UNC13C: variants seen among roughly 807,000 people sequenced by gnomAD.
UNC13C encodes protein unc-13 homolog C.
Under a neutral mutation model 245.4 loss-of-function variants are expected in UNC13C, and 174 were observed. The observed-to-expected ratio is 0.71, with a 90% confidence interval of 0.63 to 0.80. The LOEUF is 0.80. Ranked by LOEUF, UNC13C falls within the 30% of genes least tolerant of loss-of-function variation. The pLI, the probability that UNC13C is intolerant of heterozygous loss-of-function variation, is 0.00. For synonymous variants in UNC13C, 992 were observed against 895.1 expected, an observed-to-expected ratio of 1.11 and a Z score of -1.93; for missense variants, 2,829 against 2,602.9, an observed-to-expected ratio of 1.09 and a Z score of -1.89.
At chr15:54,538,133 CAAAAAAAAAAAAAAAA>C (rs56041311) in intron 26 of UNC13C, among the ~76,000 whole-genome samples, 408 of 10,308 alleles carry the variant, frequency 0.04, 19 homozygotes, top group African/African-American at 0.076. Flanking sequence ...CATTAACAAG[CAAAAAAAAAAAAAAAA>C]AAAAAAAAAA....
intron 1 of UNC13C, among the ~76,000 whole-genome samples, chr15:53,999,217 G>A (rs967792023): frequency 9.9e-5 from 15 of 151,748 alleles, no homozygotes; most frequent in South Asian, 4.2e-4. Flanking sequence ...TAAAAATTCC[G>A]CCTGGAGCTT....
At chr15:54,510,140 A>G (rs559580276) in intron 23 of UNC13C, among the ~76,000 whole-genome samples, 1 of 152,312 alleles carries the variant, frequency 6.6e-6, no homozygotes, top group Admixed American at 6.5e-5. Flanking sequence ...AGAAGAGTCT[A>G]TCAAGCTAAC....
At chr15:54,030,112 G>GT (rs1896293970) in intron 2 of UNC13C, among the ~76,000 whole-genome samples, 1 of 151,950 alleles carries the variant, frequency 6.6e-6, no homozygotes, top group Non-Finnish European at 1.5e-5. Flanking sequence ...CCTTATATAG[G>GT]CTTTTTCTCC....
upstream of UNC13C, among the ~76,000 whole-genome samples, chr15:53,975,642 T>A (rs1893672558): frequency 6.6e-6 from 1 of 152,200 alleles, no homozygotes; most frequent in South Asian, 2.1e-4. Flanking sequence ...TACTTGATTC[T>A]TTTGGTTTAG....
At chr15:54,156,703 T>G (rs892541086) in intron 4 of UNC13C, among the ~76,000 whole-genome samples, 2 of 151,498 alleles carry the variant, frequency 1.3e-5, no homozygotes, top group African/African-American at 4.9e-5. Flanking sequence ...CTCTTTGCAA[T>G]GTGTATGTTT....
At chr15:53,915,007 T>C in the UNC13C span, among the ~76,000 whole-genome samples, 17 of 152,136 alleles carry the variant, frequency 1.1e-4, no homozygotes, top group Non-Finnish European at 2.1e-4. Flanking sequence ...TGCCGGGGAA[T>C]GTCATAATGG....
chr15:54,062,141 G>C (rs1272406932), intron 2 of UNC13C, among the ~76,000 whole-genome samples: 3 of 151,768 alleles, frequency 2.0e-5, no homozygotes, highest in African/African-American at 7.3e-5. Flanking sequence ...CCAGCATGGT[G>C]AAACCCCACC....
intron 20 of UNC13C, 128 bp downstream of exon 20, chr15:54,494,862 A>C: frequency 1.7e-6 from 2 of 1,148,988 alleles, no homozygotes; most frequent in Non-Finnish European, 2.5e-6. Flanking sequence ...TTCCATTATG[A>C]AGTTAACATT....
intron 4 of UNC13C, among the ~76,000 whole-genome samples, chr15:54,184,513 C>A (rs62009995): frequency 0.032 from 4,910 of 152,060 alleles, 142 homozygotes; most frequent in East Asian, 0.13. Context: ...TGAGAACATG[C>A]AGTGTTTGGT....
At chr15:53,965,567 T>TTTA in the UNC13C span, among the ~76,000 whole-genome samples, 6 of 128,850 alleles carry the variant, frequency 4.7e-5, no homozygotes, top group Non-Finnish European at 6.4e-5. Context: ...TATTTATTTA[T>TTTA]TTATTATTAT....
chr15:54,431,657 A>C (rs2040876470), intron 19 of UNC13C, among the ~76,000 whole-genome samples: 1 of 151,740 alleles, frequency 6.6e-6, no homozygotes, highest in African/African-American at 2.4e-5. Flanking sequence ...TGTTGGTTAT[A>C]CATTCTTCAC....
chr15:54,265,357 G>T lies in UNC13C; in HGVS notation c.3679G>T (p.Val1227Phe). 6.6e-7 allele frequency: 1 copy of T among 1,515,302 alleles called. No homozygotes were observed. Among genetic ancestry groups the T allele is most frequent in the Non-Finnish European group, 8.9e-7 (1 of 1,129,204 alleles). 93.9% of individuals were successfully genotyped at this position (1,515,302 alleles called of 1,614,324 possible). ...KWSAKITITV[V>F]SAQGLQAKDK... ...ATGTTTATTTTGGTTTATTTCAGTGGTTTCTGCACAGGGTCTACAGGCAAA... is the reference window on the plus strand; with the variant it reads ...ATGTTTATTTTGGTTTATTTCAGTGTTTTCTGCACAGGGTCTACAGGCAAA... The change falls in exon 10 of 33, where the codon GTT becomes TTT. Residue 1227 changes from valine (V) to phenylalanine (F), a missense_variant and splice_region_variant. Coordinates refer to ENST00000260323, the MANE Select transcript of UNC13C (RefSeq NM_001080534.3).
At chr15:54,270,725 T>A (rs1191656208) in intron 10 of UNC13C, among the ~76,000 whole-genome samples, 2 of 151,962 alleles carry the variant, frequency 1.3e-5, no homozygotes, top group Non-Finnish European at 2.9e-5. Context: ...GGGAAATGGA[T>A]CTGAGAGATA....
chr15:54,412,041 G>T (rs1411115537), intron 18 of UNC13C, among the ~76,000 whole-genome samples: 2 of 151,720 alleles, frequency 1.3e-5, no homozygotes, highest in African/African-American at 4.8e-5. Flanking sequence ...AACTTTTGAT[G>T]CTGCATTAGT....
chr15:54,342,363 T>G (rs2038754333), intron 17 of UNC13C, among the ~76,000 whole-genome samples: 1 of 152,178 alleles, frequency 6.6e-6, no homozygotes, highest in South Asian at 2.1e-4. Flanking sequence ...GTAGTCTAGC[T>G]TGGGCAACCT....
At chr15:53,908,938 CATT>C in the UNC13C span, among the ~76,000 whole-genome samples, 5 of 145,902 alleles carry the variant, frequency 3.4e-5, 1 homozygote, top group South Asian at 2.3e-4. Flanking sequence ...TTAACATAAA[CATT>C]ATTAATCATT....
intron 7 of UNC13C, among the ~76,000 whole-genome samples, chr15:54,244,669 C>A (rs1452333029): frequency 1.3e-5 from 2 of 152,012 alleles, no homozygotes; most frequent in Non-Finnish European, 1.5e-5. Context: ...TGTAGTTCTC[C>A]TTGAAGAGGT....
At chr15:54,178,384 G>A (rs938951718) in intron 4 of UNC13C, among the ~76,000 whole-genome samples, 3 of 151,936 alleles carry the variant, frequency 2.0e-5, no homozygotes, top group Admixed American at 6.6e-5. Flanking sequence ...CTTAAAAATC[G>A]ATGGATATTT....
intron 2 of UNC13C, among the ~76,000 whole-genome samples, chr15:54,062,262 T>G (rs941026867): frequency 6.7e-6 from 1 of 149,172 alleles, no homozygotes; most frequent in Admixed American, 6.8e-5. Flanking sequence ...GAGGTTGCAG[T>G]GAGCCGAGAT....
Sources: allele counts gnomAD v4.1 joint callset (sites outside exome capture counted in the v4.1 genomes callset), GRCh38; gene constraint gnomAD v4.1.1; transcripts MANE v1.5; gene names NCBI Gene and HGNC (gene_info 2026-07-23, HGNC 2026-07-21).